DNAH14: variants seen among roughly 807,000 people sequenced by gnomAD.
DNAH14 encodes dynein axonemal heavy chain 14, also known as axonemal beta dynein heavy chain 14.
Under a neutral mutation model 520.9 loss-of-function variants are expected in DNAH14, and 478 were observed. The observed-to-expected ratio is 0.92, with a 90% CI of 0.85 to 0.99. DNAH14 has a LOEUF of 0.99. DNAH14 is among the 50% of genes least tolerant of loss of function. The pLI is 0.00. For synonymous variants in DNAH14, 1,581 were observed against 1,757.2 expected (o/e 0.90, Z 2.51); for missense variants, 4,831 against 5,234.5 (o/e 0.92, Z 2.38).
intron 81 of DNAH14, among the ~76,000 whole-genome samples, chr1:225,385,021 T>C (rs1007419368): frequency 6.6e-6 from 1 of 152,196 alleles, no homozygotes; most frequent in Admixed American, 6.5e-5. Flanking sequence ...ATCAAAAAGC[T>C]TATCCACTAT....
At chr1:225,392,560 G>GTGCCTGGCATGT in intron 84 of DNAH14, 109 bp downstream of exon 84, 3 of 1,346,196 alleles carry the variant, frequency 2.2e-6, no homozygotes, top group Non-Finnish European at 3.0e-6. Context: ...CCACATGCCA[G>GTGCCTGGCATGT]GCACTAGACA....
intron 7 of DNAH14, among the ~76,000 whole-genome samples, chr1:224,971,283 G>T (rs563807778): frequency 1.3e-5 from 2 of 152,144 alleles, no homozygotes; most frequent in East Asian, 3.9e-4. Context: ...GTCCATTGGG[G>T]ACTAGGAAAA....
intron 27 of DNAH14, among the ~76,000 whole-genome samples, chr1:225,140,309 T>A (rs1260706940): frequency 6.6e-6 from 1 of 152,170 alleles, no homozygotes; most frequent in East Asian, 1.9e-4. Flanking sequence ...GTAGACTTCT[T>A]AAAACATCTC....
chr1:225,013,613 C>T (rs1031883511), intron 10 of DNAH14, among the ~76,000 whole-genome samples: 2 of 152,184 alleles, frequency 1.3e-5, no homozygotes, highest in African/African-American at 4.8e-5. Flanking sequence ...CTGTAAGCCC[C>T]TGACTGGGGC....
intron 37 of DNAH14, 67 bp downstream of exon 37, chr1:225,185,492 A>G: frequency 1.4e-6 from 2 of 1,411,222 alleles, no homozygotes; most frequent in Non-Finnish European, 1.9e-6. Flanking sequence ...TTAATATTTT[A>G]TGTTCTCTTT....
intron 22 of DNAH14, 95 bp downstream of exon 22, chr1:225,097,334 A>G: frequency 8.1e-7 from 1 of 1,235,976 alleles, no homozygotes; most frequent in Non-Finnish European, 1.1e-6. Flanking sequence ...TCAATGAACA[A>G]ACTATCTTAT....
chr1:225,150,865 C>T (rs1278936450), intron 31 of DNAH14, among the ~76,000 whole-genome samples: 25 of 151,998 alleles, frequency 1.6e-4, no homozygotes, highest in Admixed American at 1.6e-3. Flanking sequence ...GTGGTGCCAC[C>T]ACACCTGGCT....
chr1:225,260,737 G>C (rs1033188812), intron 46 of DNAH14, among the ~76,000 whole-genome samples: 3 of 152,032 alleles, frequency 2.0e-5, no homozygotes, highest in African/African-American at 7.2e-5. Flanking sequence ...GGGTAGTATA[G>C]ATATTTTAAC....
intron 48 of DNAH14, 63 bp downstream of exon 48, chr1:225,265,432 A>T: frequency 7.4e-7 from 1 of 1,348,682 alleles, no homozygotes; most frequent in Non-Finnish European, 9.9e-7. Context: ...AGTTTATTTT[A>T]ATTAATACTA....
At chr1:225,266,122 G>T (rs575629079) in intron 48 of DNAH14, among the ~76,000 whole-genome samples, 1 of 152,168 alleles carries the variant, frequency 6.6e-6, no homozygotes, top group South Asian at 2.1e-4. Flanking sequence ...TTAAAATTTG[G>T]AAATGTGTCT....
chr1:224,942,546 A>G (rs1338034092), intron 1 of DNAH14, among the ~76,000 whole-genome samples: 1 of 151,762 alleles, frequency 6.6e-6, no homozygotes, highest in Non-Finnish European at 1.5e-5. Flanking sequence ...ACTGTGTTGA[A>G]TAGGAGTGGT....
Position 225,117,904 on chromosome 1 carries a change from A to T in DNAH14, c.3996A>T (p.Glu1332Asp). Residue 1332 changes from glutamate (E) to aspartate (D), a missense_variant, in exon 25 of 86, where the codon GAA becomes GAT. Coordinates refer to ENST00000682510, the MANE Select transcript of DNAH14 (RefSeq NM_001367479.1). ...AGCCTCATCTTGTGAAATGCTTTGAAAATATAAAACAATTATTGATATGGA... is the reference window on the plus strand; with the variant it reads ...AGCCTCATCTTGTGAAATGCTTTGATAATATAAAACAATTATTGATATGGA... ...SVQPHLVKCF[E>D]NIKQLLIWKQ... 1 of 1,550,166 alleles carries T rather than the reference A, an allele frequency of 6.5e-7. No homozygotes were observed. The highest frequency in any genetic ancestry group is 1.2e-5 in the South Asian group (1 of 83,892).
At chr1:225,149,744 A>C (rs1239561674) in intron 31 of DNAH14, among the ~76,000 whole-genome samples, 2 of 152,086 alleles carry the variant, frequency 1.3e-5, no homozygotes, top group African/African-American at 4.8e-5. Context: ...TAGGAATGCT[A>C]GTGATTTTTG....
Position 225,360,734 on chromosome 1 carries a change from A to T in DNAH14, c.11830A>T (p.Thr3944Ser). The T allele has an allele frequency of 6.4e-7, 1 of 1,551,696 alleles. No homozygotes were observed. The highest frequency in any genetic ancestry group is 8.7e-7 in the Non-Finnish European group (1 of 1,146,974). ...LRFAQELKGT[T>S]HHVTIISLGR... Reference sequence around the variant, plus strand: ...ATTTGCACAAGAGTTAAAAGGAACAACACATCATGTGACCATAATTTCTCT... The same window carrying T: ...ATTTGCACAAGAGTTAAAAGGAACATCACATCATGTGACCATAATTTCTCT... Residue 3944 changes from threonine to serine, a missense_variant, in exon 75 of 86, where the codon ACA (threonine) becomes TCA (serine). Physicochemically the swap from Thr to Ser is moderately conservative, Grantham distance 58. Coordinates refer to ENST00000682510, the MANE Select transcript of DNAH14 (RefSeq NM_001367479.1).
intron 54 of DNAH14, among the ~76,000 whole-genome samples, chr1:225,288,284 T>C (rs1176985945): frequency 6.6e-6 from 1 of 152,016 alleles, no homozygotes; most frequent in Non-Finnish European, 1.5e-5. Context: ...TGACATTCCA[T>C]AAAATACCTG....
At chr1:225,383,161 G>T (rs1228777018) in intron 81 of DNAH14, among the ~76,000 whole-genome samples, 1 of 152,136 alleles carries the variant, frequency 6.6e-6, no homozygotes, top group African/African-American at 2.4e-5. Flanking sequence ...CCATTCATTT[G>T]TACACTTTAA....
intron 36 of DNAH14, among the ~76,000 whole-genome samples, chr1:225,176,933 A>T (rs1398793163): frequency 6.6e-6 from 1 of 152,198 alleles, no homozygotes; most frequent in Non-Finnish European, 1.5e-5. Context: ...GTTGCTGAAA[A>T]GATACCCGAA....
intron 55 of DNAH14, among the ~76,000 whole-genome samples, chr1:225,296,252 G>A (rs922381680): frequency 7.9e-5 from 12 of 152,060 alleles, no homozygotes; most frequent in Non-Finnish European, 1.6e-4. Flanking sequence ...TAGAGACGAG[G>A]TCTCACTATG....
rs536705097 is a variant in DNAH14 at position 225,130,233 on chromosome 1, A to G, written c.4254+6619A>G. On this transcript the variant is annotated intron_variant, in intron 27 of 85. Transcript: ENST00000682510. Reference sequence around the variant, plus strand: ...TACACTGTTGGTGGGACTGTAAACTAGTTCAATCATTGTGGAAGTCAGTGT... The same window carrying G: ...TACACTGTTGGTGGGACTGTAAACTGGTTCAATCATTGTGGAAGTCAGTGT... Among the ~76,000 whole-genome samples the G allele has an allele frequency of 2.5e-3, 388 of 152,296 alleles. 2 individuals are homozygous for G. Among genetic ancestry groups the G allele is most frequent in the African/African-American group, 8.4e-3 (351 of 41,578 alleles).
Sources: gnomAD v4.1 joint callset for allele counts (sites outside exome capture counted in the v4.1 genomes callset) on GRCh38, gnomAD v4.1.1 for gene constraint, MANE v1.5 for transcripts, NCBI Gene and HGNC (gene_info 2026-07-23, HGNC 2026-07-21) for gene names.